The following DCLK3 variants were observed in gnomAD, a reference collection of about 807,000 sequenced individuals.
The protein encoded by DCLK3 is serine/threonine-protein kinase DCLK3.
Under a neutral mutation model 46.4 loss-of-function variants are expected in DCLK3, and 30 were observed. The ratio of observed to expected loss-of-function variants is 0.65; its 90% CI spans 0.48 to 0.88. The LOEUF (loss-of-function observed/expected upper bound fraction) is 0.88. Ranked by LOEUF, DCLK3 falls within the 40% of genes least tolerant of loss-of-function variation. DCLK3 has a pLI of 0.00. For synonymous variants in DCLK3, 401 were observed against 339.2 expected (o/e 1.18, Z -2.00); for missense variants, 846 against 907.1 (o/e 0.93, Z 0.87).
At chr3:36,763,720 G>T (rs531292324) in intron 1 of DCLK3, among the ~76,000 whole-genome samples, 1 of 152,344 alleles carries the variant, frequency 6.6e-6, no homozygotes, top group Admixed American at 6.5e-5. Context: ...GAGAAATGGG[G>T]ATAATTCCAT....
intron 1 of DCLK3, among the ~76,000 whole-genome samples, chr3:36,749,442 A>T (rs1260186169): frequency 6.6e-6 from 1 of 152,200 alleles, no homozygotes; most frequent in Non-Finnish European, 1.5e-5. Context: ...CCCTCACCAC[A>T]TTCCATTCCT....
chr3:36,724,626 G>A lies in DCLK3; in HGVS notation c.1960-2967C>T, dbSNP rs376276086. 8.2e-4 allele frequency among the ~76,000 whole-genome samples: 125 copies of A among 152,200 alleles called. 2 individuals are homozygous for A. The highest frequency in any genetic ancestry group is 2.8e-3 in the African/African-American group (115 of 41,524). On this transcript the variant is annotated intron_variant, in intron 2 of 4. Transcript: ENST00000636136. ...CTGACAGTTTCAAAAATGGGAGTTT[G>A]CCTGCACAAGCTCTCTATTTGCCTG... is the stretch of plus-strand genomic sequence containing the variant.
chr3:36,741,836 T>C (rs1397332154), intron 1 of DCLK3, among the ~76,000 whole-genome samples: 2 of 152,122 alleles, frequency 1.3e-5, no homozygotes, highest in Admixed American at 6.5e-5. Context: ...AAAGGTGTTA[T>C]AGGAGGGAAG....
intron 2 of DCLK3, among the ~76,000 whole-genome samples, chr3:36,727,660 G>C (rs1346283915): frequency 6.6e-6 from 1 of 152,194 alleles, no homozygotes; most frequent in East Asian, 1.9e-4. Flanking sequence ...AGAACTTGGT[G>C]GGGGGCAGCG....
At chr3:36,717,869 T>C (rs1420956184) in intron 4 of DCLK3, 141 bp downstream of exon 4, 1 of 1,133,184 alleles carries the variant, frequency 8.8e-7, no homozygotes, top group South Asian at 1.5e-5. Context: ...CAAACCTACA[T>C]GAAGCTACTG....
At chr3:36,739,135 C>T (rs1191651246) in intron 1 of DCLK3, 51 bp from the exon 2 acceptor site, 1 of 397,954 alleles carries the variant, frequency 2.5e-6, no homozygotes. Context: ...GTTCAGAGAG[C>T]CCTCAGCCTT....
rs959071054 is a variant in DCLK3 at position 36,764,354 on chromosome 3, G to A, written c.-91C>T. 5.0e-6 allele frequency: 1 copy of A among 200,180 alleles called. No individual in the cohort carries two copies. Among genetic ancestry groups the A allele is most frequent in the Non-Finnish European group, 1.0e-5 (1 of 99,910 alleles). The allele number at this position is 200,180 out of a possible 1,614,324, so 12.4% of individuals were successfully genotyped here. A position where few individuals can be genotyped will look rare whatever the true frequency, so the allele number is the denominator to read the frequency against. ...TCGAGCAGGCGCGGGAAGGCGGGGC[G>A]AGACGAGCAGCCACGAGCCCGCGCC... is the stretch of plus-strand genomic sequence containing the variant. On this transcript the variant is annotated 5_prime_UTR_variant, in exon 1 of 5. Coordinates refer to ENST00000636136, the MANE Select transcript of DCLK3 (RefSeq NM_001394672.2). This position sits in a 1 kb window ranked among gnomAD's most constrained non-coding sequence, Gnocchi z 4.9.
In DCLK3 at chr3:36,737,922, A is replaced by G; in HGVS notation, c.1245T>C (p.Leu415=). Residue 415 remains leucine, a synonymous_variant, in exon 2 of 5, where the codon CTT becomes CTC. Transcript: ENST00000636136. This position sits in a 1 kb window ranked among gnomAD's most constrained non-coding sequence, Gnocchi z 4.4. Reference sequence around the variant, plus strand: ...CCTCTGTGACAGGAAGAACTTCCACAAGGTCCTTCTTGGCCTTGGCTGCTC... The same window carrying G: ...CCTCTGTGACAGGAAGAACTTCCACGAGGTCCTTCTTGGCCTTGGCTGCTC... ...AQGAAKAKKD[L]VEVLPVTEEG... 6.2e-7 allele frequency: 1 copy of G among 1,614,046 alleles called. No individual in the cohort carries two copies. Among genetic ancestry groups the G allele is most frequent in the African/African-American group, 1.3e-5 (1 of 75,002 alleles).
At chr3:36,726,108 C>T (rs1349935663) in intron 2 of DCLK3, among the ~76,000 whole-genome samples, 1 of 152,082 alleles carries the variant, frequency 6.6e-6, no homozygotes, top group Non-Finnish European at 1.5e-5. Flanking sequence ...ACATGAAAAA[C>T]CAAACCATGA....
intron 2 of DCLK3, among the ~76,000 whole-genome samples, chr3:36,727,873 G>A (rs1701144303): frequency 6.6e-6 from 1 of 152,150 alleles, no homozygotes; most frequent in African/African-American, 2.4e-5. Flanking sequence ...TTTGCAACAA[G>A]CACCTCACAT....
chr3:36,748,913 G>T (rs1229931061), intron 1 of DCLK3, among the ~76,000 whole-genome samples: 1 of 152,140 alleles, frequency 6.6e-6, no homozygotes. Context: ...CTCTCCAGAT[G>T]CTGCCACCCT....
chr3:36,721,818 G>A (rs1324193671), intron 2 of DCLK3, among the ~76,000 whole-genome samples, 159 bp from the exon 3 acceptor site: 1 of 152,198 alleles, frequency 6.6e-6, no homozygotes, highest in African/African-American at 2.4e-5. Flanking sequence ...TGACCTCAAT[G>A]ACAAGGGCTC....
chr3:36,759,027 C>T (rs1034146048), intron 1 of DCLK3, among the ~76,000 whole-genome samples: 2 of 152,116 alleles, frequency 1.3e-5, no homozygotes, highest in Non-Finnish European at 2.9e-5. Flanking sequence ...GTTATGTGGT[C>T]ATATGAAAGC....
intron 2 of DCLK3, among the ~76,000 whole-genome samples, chr3:36,723,594 C>T (rs1382898241): frequency 2.0e-5 from 3 of 152,158 alleles, no homozygotes; most frequent in Non-Finnish European, 4.4e-5. Flanking sequence ...GGTACCCTGC[C>T]TCCCAGCCGC....
In DCLK3 at chr3:36,737,633, G is replaced by A. The variant is rs371147236; in HGVS notation, c.1534C>T (p.Arg512Trp). 122 of 1,613,894 alleles carry A rather than the reference G, an allele frequency of 7.6e-5. No homozygotes were observed. The highest frequency in any genetic ancestry group is 4.9e-4 in the Middle Eastern group (3 of 6,082). ...TTGGCGGCAATGATGCCCATGGGCC[G>A]TGGCTTCCGACCGCTGGGCCGCTCT... Reference protein sequence around the residue: ...KPERPSGRKPRPMGIIAANVE... With the variant: ...KPERPSGRKPWPMGIIAANVE... Residue 512 changes from arginine (R) to tryptophan (W), a missense_variant, in exon 2 of 5, where the codon CGG (arginine) becomes TGG (tryptophan). By Grantham distance (101) the Arg-to-Trp change is moderately radical (BLOSUM62 -3). Around this residue, in one of 3 missense-constraint regions of DCLK3, gnomAD observed 553 missense variants for 543.0 expected, o/e 1.02. Coordinates refer to ENST00000636136, the MANE Select transcript of DCLK3 (RefSeq NM_001394672.2). The surrounding 1 kb of genome is among the most constrained non-coding windows in gnomAD (Gnocchi z 4.4).
At chr3:36,729,356 T>C (rs1701167963) in intron 2 of DCLK3, among the ~76,000 whole-genome samples, 1 of 151,970 alleles carries the variant, frequency 6.6e-6, no homozygotes, top group Non-Finnish European at 1.5e-5. Context: ...CTCTGGGCCA[T>C]GTTCTTGCTG....
intron 2 of DCLK3, among the ~76,000 whole-genome samples, chr3:36,731,262 C>G (rs928988380): frequency 6.6e-6 from 1 of 152,112 alleles, no homozygotes; most frequent in Non-Finnish European, 1.5e-5. Context: ...AGATGATCAT[C>G]TCAAATTCAA....
intron 2 of DCLK3, among the ~76,000 whole-genome samples, chr3:36,733,543 A>G (rs1013135351): frequency 2.0e-5 from 3 of 151,964 alleles, no homozygotes; most frequent in African/African-American, 7.3e-5. Context: ...CATCATCATC[A>G]CTACTCCAGC....
intron 2 of DCLK3, among the ~76,000 whole-genome samples, chr3:36,727,687 C>T (rs1199510195): frequency 1.3e-5 from 2 of 152,164 alleles, no homozygotes; most frequent in Admixed American, 6.5e-5. Context: ...ATCAGTGGTG[C>T]CACTTGTCTC....
Sources: gnomAD v4.1 joint callset for allele counts (sites outside exome capture counted in the v4.1 genomes callset) on GRCh38, gnomAD v4.1.1 for gene constraint, gnomAD v4.1.1 regional missense constraint, Gnocchi (gnomAD v3.1) non-coding constraint, MANE v1.5 for transcripts, NCBI Gene and HGNC (gene_info 2026-07-23, HGNC 2026-07-21) for gene names.